The following CEP128 variants were observed in gnomAD, a reference collection of about 807,000 sequenced individuals.
The protein encoded by CEP128 is centrosomal protein 128kDa.
A neutral mutation model predicts 156.7 loss-of-function variants in CEP128; 132 were observed. The observed-to-expected ratio is 0.84, with a 90% CI of 0.73 to 0.97. The LOEUF is 0.97. CEP128 is among the 50% of genes least tolerant of loss of function. The probability of loss-of-function intolerance (pLI) is 0.00; values close to 1 mark genes in which losing one functional copy is unlikely to be tolerated. For synonymous variants in CEP128, 469 were observed against 448.9 expected (o/e 1.04, Z -0.57); for missense variants, 1,252 against 1,281.9 (o/e 0.98, Z 0.36).
In CEP128 at chr14:80,497,553, A is replaced by T. The variant is rs1167875353; in HGVS notation, c.3211T>A (p.Ser1071Thr). ...SFTKRTVAPDSASNKEDATMN... is the reference protein window; with the variant it reads ...SFTKRTVAPDTASNKEDATMN... ...GTGGCATCTTCCTTGTTTGAAGCTG[A>T]ATCTGGAGCAACAGTTCTTTTGGTA... Residue 1071 changes from serine (S) to threonine (T), a missense_variant, in exon 25 of 25, where the codon TCA becomes ACA. Physicochemically the swap from Ser to Thr is moderately conservative, Grantham distance 58. Coordinates refer to ENST00000555265, the MANE Select transcript of CEP128 (RefSeq NM_152446.5). The T allele has an allele frequency of 2.5e-6, 4 of 1,613,260 alleles. No homozygotes were observed. Among genetic ancestry groups the T allele is most frequent in the Non-Finnish European group, 1.7e-6 (2 of 1,179,450 alleles).
chr14:80,560,415 A>G (rs979951349), intron 20 of CEP128, among the ~76,000 whole-genome samples: 1 of 152,192 alleles, frequency 6.6e-6, no homozygotes, highest in East Asian at 1.9e-4. Context: ...ACAGAGCAAG[A>G]CTACACCTCA....
At chr14:80,872,781 T>G (rs1329486943) in intron 8 of CEP128, among the ~76,000 whole-genome samples, 1 of 152,168 alleles carries the variant, frequency 6.6e-6, no homozygotes, top group African/African-American at 2.4e-5. Flanking sequence ...TACAACACAA[T>G]ACATCGACCA....
chr14:80,572,874 C>T (rs1891203109), intron 20 of CEP128, among the ~76,000 whole-genome samples: 1 of 152,036 alleles, frequency 6.6e-6, no homozygotes, highest in African/African-American at 2.4e-5. Context: ...ATCATCTTCC[C>T]CCTGGTGGGA....
chr14:80,733,696 A>G (rs923603383), intron 19 of CEP128, among the ~76,000 whole-genome samples: 2 of 152,178 alleles, frequency 1.3e-5, no homozygotes, highest in African/African-American at 4.8e-5. Flanking sequence ...TTTACATAGA[A>G]TATGTTGATG....
At chr14:80,907,593 G>A (rs4016442) in intron 4 of CEP128, among the ~76,000 whole-genome samples, 66,757 of 150,064 alleles carry the variant, frequency 0.44, 15,231 homozygotes, top group South Asian at 0.56. Flanking sequence ...GGGAGGCAGA[G>A]GTTGCAGTCA....
At chr14:80,731,691 C>T (rs1898279493) in intron 19 of CEP128, among the ~76,000 whole-genome samples, 1 of 152,110 alleles carries the variant, frequency 6.6e-6, no homozygotes, top group Non-Finnish European at 1.5e-5. Context: ...GGAGAGCATG[C>T]ACATCAAAAT....
intron 19 of CEP128, among the ~76,000 whole-genome samples, chr14:80,730,002 TGTGGA>T (rs1260687205): frequency 6.6e-6 from 1 of 152,154 alleles, no homozygotes; most frequent in African/African-American, 2.4e-5. Flanking sequence ...GCCTCACTGA[TGTGGA>T]ATAAGAGATG....
chr14:80,478,115 G>A (rs934273706), exon 15 of CEP128: 6 of 151,988 alleles, frequency 3.9e-5, no homozygotes, highest in East Asian at 3.9e-4. Context: ...CTAGCAGAGC[G>A]TTCTTTCAGT....
At chr14:80,508,171 C>G (rs1379628628) in intron 23 of CEP128, among the ~76,000 whole-genome samples, 1 of 152,150 alleles carries the variant, frequency 6.6e-6, no homozygotes, top group Non-Finnish European at 1.5e-5. Context: ...CTGCCTTGGC[C>G]CCCCAAAGTG....
chr14:80,741,027 T>C (rs567774223), intron 19 of CEP128, among the ~76,000 whole-genome samples: 13 of 152,284 alleles, frequency 8.5e-5, no homozygotes, highest in African/African-American at 2.6e-4. Flanking sequence ...TTTCAGGCCA[T>C]GTCAATTTCT....
rs142783599 is a variant in CEP128 at position 80,742,730 on chromosome 14, C to T, written c.2806+345G>A. On this transcript the variant is annotated intron_variant, in intron 19 of 24. Coordinates refer to ENST00000555265, the MANE Select transcript of CEP128 (RefSeq NM_152446.5). The stretch of plus-strand genomic sequence containing the variant: ...TCCTCTGTACCTAGAATAGTGTGTA[C>T]TTGAAAATGGGCACAAAATATGTAT... 4.0e-3 allele frequency: 983 copies of T among 246,714 alleles called. 13 individuals carry two copies. Among genetic ancestry groups the T allele is most frequent in the African/African-American group, 0.021 (923 of 43,422 alleles). The allele number at this position is 246,714 out of a possible 1,614,324, so 15.3% of individuals were successfully genotyped here. A position where few individuals can be genotyped will look rare whatever the true frequency, so the allele number is the denominator to read the frequency against.
At chr14:80,704,144 AATTTAGAATG>A (rs1172091397) in intron 19 of CEP128, among the ~76,000 whole-genome samples, 4 of 152,020 alleles carry the variant, frequency 2.6e-5, no homozygotes, top group Non-Finnish European at 5.9e-5. Flanking sequence ...CACACAATTA[AATTTAGAATG>A]AAAGCATCTC....
chr14:80,636,925 A>G (rs1894205971), intron 19 of CEP128, among the ~76,000 whole-genome samples: 1 of 152,016 alleles, frequency 6.6e-6, no homozygotes, highest in Non-Finnish European at 1.5e-5. Context: ...TGTCTCTACT[A>G]AAAATACAAA....
intron 9 of CEP128, among the ~76,000 whole-genome samples, chr14:80,849,314 G>T (rs1291566888): frequency 6.6e-6 from 1 of 152,180 alleles, no homozygotes; most frequent in Non-Finnish European, 1.5e-5. Context: ...GTCAGGAGGA[G>T]AAAGAACTGG....
intron 19 of CEP128, among the ~76,000 whole-genome samples, chr14:80,654,073 A>G (rs1279538421): frequency 6.6e-6 from 1 of 152,126 alleles, no homozygotes; most frequent in Non-Finnish European, 1.5e-5. Context: ...ACATGAATGA[A>G]CATTCATGGG....
At chr14:80,678,049 A>AAAAATATATATATATATATAT in intron 19 of CEP128, among the ~76,000 whole-genome samples, 6 of 98,500 alleles carry the variant, frequency 6.1e-5, no homozygotes, top group South Asian at 2.8e-4. Context: ...ATAAAAAAAA[A>AAAAATATATATATATATATAT]ATATATATAT....
chr14:80,731,612 T>C (rs1484016268), intron 19 of CEP128, among the ~76,000 whole-genome samples: 1 of 152,054 alleles, frequency 6.6e-6, no homozygotes, highest in Non-Finnish European at 1.5e-5. Context: ...ATAGTCTCAA[T>C]AGGGGAAAAA....
At chr14:80,610,378 CA>C (rs1185941874) in intron 19 of CEP128, among the ~76,000 whole-genome samples, 1 of 152,014 alleles carries the variant, frequency 6.6e-6, no homozygotes, top group African/African-American at 2.4e-5. Context: ...GAGGTATAAA[CA>C]GTAACATATC....
chr14:80,927,036 C>A (rs1885187621), intron 2 of CEP128, among the ~76,000 whole-genome samples: 1 of 152,198 alleles, frequency 6.6e-6, no homozygotes, highest in Non-Finnish European at 1.5e-5. Flanking sequence ...GCAGTGGATC[C>A]CTTTTAGACA....
Sources: gnomAD v4.1 joint callset for allele counts (sites outside exome capture counted in the v4.1 genomes callset) on GRCh38, gnomAD v4.1.1 for gene constraint, MANE v1.5 for transcripts, NCBI Gene and HGNC (gene_info 2026-07-23, HGNC 2026-07-21) for gene names.